The following MYO18A variants were observed in gnomAD, a reference collection of about 807,000 sequenced individuals.
The protein encoded by MYO18A is myosin XVIIIA, also known as unconventional myosin-XVIIIa.
Under a neutral mutation model 235.8 loss-of-function variants are expected in MYO18A, and 78 were observed. The observed-to-expected ratio is 0.33, with a 90% confidence interval of 0.28 to 0.40. The LOEUF (loss-of-function observed/expected upper bound fraction) is 0.40. MYO18A is among the 10% of genes least tolerant of loss of function. MYO18A has a pLI of 1.00. For synonymous variants in MYO18A, 977 were observed against 1,077.8 expected (o/e 0.91, Z 1.83); for missense variants, 2,215 against 2,699.3 (o/e 0.82, Z 3.98).
intron 1 of MYO18A, among the ~76,000 whole-genome samples, chr17:29,169,399 A>T (rs1327348200): frequency 6.6e-6 from 1 of 152,112 alleles, no homozygotes; most frequent in African/African-American, 2.4e-5. Context: ...GGGAGTTAGA[A>T]AACAGGAAAT....
At chr17:29,151,689 C>A (rs2067966844) in intron 2 of MYO18A, among the ~76,000 whole-genome samples, 1 of 152,204 alleles carries the variant, frequency 6.6e-6, no homozygotes, top group Non-Finnish European at 1.5e-5. Context: ...TTTCTGCATT[C>A]TCTGGGCCAA....
At chr17:29,169,652 A>T (rs2068358261) in intron 1 of MYO18A, among the ~76,000 whole-genome samples, 1 of 152,200 alleles carries the variant, frequency 6.6e-6, no homozygotes, top group East Asian at 1.9e-4. Context: ...TCTTAAAGGG[A>T]TGGTTTAGAA....
In MYO18A at chr17:29,097,121, C is replaced by T. The variant is rs990602409; in HGVS notation, c.4230+102G>A. The T allele has an allele frequency of 3.3e-6, 5 of 1,520,904 alleles. No individual in the cohort carries two copies. The Admixed American group carries it at 9.7e-5, about 29-fold the overall frequency. The allele number at this position is 1,520,904 out of a possible 1,614,324, so 94.2% of individuals were successfully genotyped here. A position where few individuals can be genotyped will look rare whatever the true frequency, so the allele number is the denominator to read the frequency against. On this transcript the variant is annotated intron_variant, in intron 27 of 41. Coordinates refer to ENST00000527372, the MANE Select transcript of MYO18A (RefSeq NM_078471.4). ...AACATGCCAGCCTCCCCGATCCATT[C>T]CAGCCAGGCCTGCCTGCCCCCAGAG...
chr17:29,097,214 C>G lies in MYO18A; in HGVS notation c.4230+9G>C. 6.2e-7 allele frequency: 1 copy of G among 1,604,908 alleles called. No individual in the cohort carries two copies. Among genetic ancestry groups the G allele is most frequent in the Non-Finnish European group, 8.5e-7 (1 of 1,179,262 alleles). On this transcript the variant is annotated intron_variant, in intron 27 of 41. Transcript: ENST00000527372. ...CCAGGCACAGGCCTCAGCTCCTCCC[C>G]AGCCTCACCCGCCGTTCCAGCTGCC... is the stretch of plus-strand genomic sequence containing the variant.
At position 29,162,312 on chromosome 17, in the gene MYO18A, C is replaced by T. The variant is rs1044815966; in HGVS notation, c.999+3630G>A. Among the ~76,000 whole-genome samples the T allele has an allele frequency of 4.6e-5, 7 of 152,252 alleles. No homozygotes were observed. The East Asian group carries it at 5.8e-4, about 13-fold the overall frequency. ...TGGTTAAAGTTCACGTTCCCCAGCA[C>T]GGCTCACAGGGGCCTCCATGACCTG... On this transcript the variant is annotated intron_variant, in intron 2 of 41. Coordinates refer to ENST00000527372, the MANE Select transcript of MYO18A (RefSeq NM_078471.4).
chr17:29,130,315 A>G (rs1333530202), intron 2 of MYO18A, among the ~76,000 whole-genome samples: 1 of 151,254 alleles, frequency 6.6e-6, no homozygotes. Flanking sequence ...AAAAAAAAAA[A>G]AAAAAAAAGA....
Position 29,120,862 on chromosome 17 carries a change from G to T in MYO18A, c.1586-104C>A. On this transcript the variant is annotated intron_variant, in intron 6 of 41. Transcript: ENST00000527372. The surrounding 1 kb of genome is among the most constrained non-coding windows in gnomAD (Gnocchi z 4.2). ...TGAAGGCTTGGGGCCATTCAGACCA[G>T]AACTGCCCGTGGACAGAGGGGTTTC... 6.4e-7 allele frequency: 1 copy of T among 1,563,978 alleles called. No individual in the cohort carries two copies. The highest frequency in any genetic ancestry group is 1.2e-5 in the South Asian group (1 of 83,600).
At chr17:29,136,769 G>A (rs145635557) in intron 2 of MYO18A, among the ~76,000 whole-genome samples, 156 of 152,358 alleles carry the variant, frequency 1.0e-3, no homozygotes, top group Admixed American at 2.3e-3. Context: ...ATGTTAGGCA[G>A]GCATCAGCTT....
rs2065928171 is a variant in MYO18A at position 29,074,401 on chromosome 17, G to A, written c.*369C>T. On this transcript the variant is annotated 3_prime_UTR_variant, in exon 42 of 42. Transcript: ENST00000527372. The surrounding 1 kb of genome is among the most constrained non-coding windows in gnomAD (Gnocchi z 4.4). ...CTCCCCATGGACCCAGCAACCTAGA[G>A]TGTCCCAGTAGGCAACCTGTCCACC... The A allele has an allele frequency of 1.6e-6, 1 of 621,600 alleles. No individual in the cohort carries two copies. Among genetic ancestry groups the A allele is most frequent in the Admixed American group, 3.0e-5 (1 of 33,092 alleles). The allele number at this position is 621,600 out of a possible 1,614,324, so 38.5% of individuals were successfully genotyped here. A position where few individuals can be genotyped will look rare whatever the true frequency, so the allele number is the denominator to read the frequency against.
intron 22 of MYO18A, among the ~76,000 whole-genome samples, chr17:29,099,384 C>A (rs2066600054): frequency 6.6e-6 from 1 of 152,162 alleles, no homozygotes; most frequent in Non-Finnish European, 1.5e-5. Flanking sequence ...ATGGAGCAGC[C>A]TATGATCCGG....
intron 21 of MYO18A, among the ~76,000 whole-genome samples, chr17:29,100,650 TGA>T (rs141988674): frequency 0.027 from 4,122 of 152,236 alleles, 72 homozygotes; most frequent in Non-Finnish European, 0.035. Context: ...GCTCTATCCA[TGA>T]GAGTGGGCAG....
In MYO18A at chr17:29,096,962, G is replaced by T. The variant is rs372546731; in HGVS notation, c.4231-47C>A. 2.3e-5 allele frequency: 35 copies of T among 1,489,464 alleles called. No individual in the cohort carries two copies. The African/African-American group carries it at 3.2e-4, about 14-fold the overall frequency. 92.3% of individuals were successfully genotyped at this position (1,489,464 alleles called of 1,614,324 possible). ...ATATACAGAGAGACCCAGAAGCATAGGTGGAGAAGGTGAGGAGAGGGAAGT... is the reference window on the plus strand; with the variant it reads ...ATATACAGAGAGACCCAGAAGCATATGTGGAGAAGGTGAGGAGAGGGAAGT... On this transcript the variant is annotated intron_variant, in intron 27 of 41. Coordinates refer to ENST00000527372, the MANE Select transcript of MYO18A (RefSeq NM_078471.4).
At chr17:29,131,346 C>T (rs2067468846) in intron 2 of MYO18A, 1 of 976,508 alleles carries the variant, frequency 1.0e-6, no homozygotes, top group Non-Finnish European at 1.2e-6. Flanking sequence ...CCCGCACACA[C>T]ACACGCATGC....
In MYO18A at chr17:29,111,626, C is replaced by T. The variant is rs750067890; in HGVS notation, c.2741-43G>A. On this transcript the variant is annotated intron_variant, in intron 16 of 41. Coordinates refer to ENST00000527372, the MANE Select transcript of MYO18A (RefSeq NM_078471.4). The surrounding 1 kb of genome is among the most constrained non-coding windows in gnomAD (Gnocchi z 5.1). ...AAGATTTAGGTCGTCAGGGTACAGG[C>T]ACAAAGTGACCCCCGCCCCCTCCCA... 1.9e-6 allele frequency: 3 copies of T among 1,612,420 alleles called. No homozygotes were observed. The highest frequency in any genetic ancestry group is 2.5e-6 in the Non-Finnish European group (3 of 1,178,856).
intron 32 of MYO18A, 123 bp downstream of exon 32, chr17:29,093,200 G>A: frequency 9.2e-7 from 1 of 1,090,218 alleles, no homozygotes; most frequent in Non-Finnish European, 1.3e-6. Flanking sequence ...GATGACGATG[G>A]GCTCTTTGCA....
intron 2 of MYO18A, chr17:29,124,682 A>G: frequency 7.8e-7 from 1 of 1,285,324 alleles, no homozygotes; most frequent in African/African-American, 1.5e-5. Context: ...GCGGCCTCAG[A>G]GTCCAGCTAC....
Position 29,140,362 on chromosome 17 carries a change from G to C in MYO18A, c.1000-18109C>G, listed in dbSNP as rs1160154408. The C allele has an allele frequency of 7.8e-7, 1 of 1,283,800 alleles. No individual in the cohort carries two copies. The highest frequency in any genetic ancestry group is 5.7e-5 in the East Asian group (1 of 17,578). The allele number at this position is 1,283,800 out of a possible 1,614,324, so 79.5% of individuals were successfully genotyped here. A position where few individuals can be genotyped will look rare whatever the true frequency, so the allele number is the denominator to read the frequency against. On this transcript the variant is annotated intron_variant, in intron 2 of 41. Coordinates refer to ENST00000527372, the MANE Select transcript of MYO18A (RefSeq NM_078471.4). This position sits in a 1 kb window ranked among gnomAD's most constrained non-coding sequence, Gnocchi z 4.2. ...CACCCGCATGGCCTGGCCTGGAGCA[G>C]CCCAGAGCAAGGAGACTCCGCTCTG... is the stretch of plus-strand genomic sequence containing the variant.
In MYO18A at chr17:29,117,080, T is replaced by G. The variant is rs2152843522; in HGVS notation, c.2039-625A>C. Among the ~76,000 whole-genome samples, 1 of 152,246 alleles carries G rather than the reference T, an allele frequency of 6.6e-6. No individual in the cohort carries two copies. Among genetic ancestry groups the G allele is most frequent in the East Asian group, 1.9e-4 (1 of 5,158 alleles). ...CCTGCCAGGACTTTCTCACTCCAGC[T>G]GAGCAGCCTGGGGCCCTTCACATCC... On this transcript the variant is annotated intron_variant, in intron 10 of 41. Coordinates refer to ENST00000527372, the MANE Select transcript of MYO18A (RefSeq NM_078471.4). This position sits in a 1 kb window ranked among gnomAD's most constrained non-coding sequence, Gnocchi z 4.6.
chr17:29,116,480 A>AGCAT, intron 10 of MYO18A, 25 bp from the exon 11 acceptor site: 1 of 1,613,862 alleles, frequency 6.2e-7, no homozygotes, highest in Non-Finnish European at 8.5e-7. Context: ...ACCAGCATGC[A>AGCAT]GCATGCAAAG....
Sources: gnomAD v4.1 joint callset for allele counts (sites outside exome capture counted in the v4.1 genomes callset) on GRCh38, gnomAD v4.1.1 for gene constraint, Gnocchi (gnomAD v3.1) non-coding constraint, MANE v1.5 for transcripts, NCBI Gene and HGNC (gene_info 2026-07-23, HGNC 2026-07-21) for gene names.